Variants in KATNAL1 observed in about 807,000 individuals in gnomAD.
KATNAL1 encodes the protein katanin catalytic subunit A1 like 1.
Under a neutral mutation model 55.2 loss-of-function variants are expected in KATNAL1, and 32 were observed. The ratio of observed to expected loss-of-function variants is 0.58; its 90% CI spans 0.44 to 0.78. KATNAL1 has a LOEUF of 0.78. Among genes scored for constraint, KATNAL1 ranks in the 30% least tolerant of loss-of-function variants. The pLI, the probability that KATNAL1 is intolerant of heterozygous loss-of-function variation, is 0.00. For synonymous variants in KATNAL1, 193 were observed against 193.6 expected (o/e 1.00, Z 0.02); for missense variants, 466 against 600.9 (o/e 0.78, Z 2.35).
At chr13:30,293,822 G>A (rs1395421651) in intron 1 of KATNAL1, among the ~76,000 whole-genome samples, 1 of 152,156 alleles carries the variant, frequency 6.6e-6, no homozygotes, top group Non-Finnish European at 1.5e-5. Flanking sequence ...TGTGCATCCA[G>A]CAAGTCTACC....
intron 3 of KATNAL1, among the ~76,000 whole-genome samples, chr13:30,277,450 C>A (rs1225479064): frequency 6.6e-6 from 1 of 152,194 alleles, no homozygotes; most frequent in Non-Finnish European, 1.5e-5. Context: ...CTCATCAACT[C>A]AAGTCAAACG....
intron 9 of KATNAL1, among the ~76,000 whole-genome samples, chr13:30,221,219 G>T (rs1278252233): frequency 1.3e-5 from 2 of 152,114 alleles, no homozygotes; most frequent in Admixed American, 1.3e-4. Context: ...TGTAGGTGAG[G>T]TTTCCACTTC....
chr13:30,215,669 A>G (rs975040712), intron 9 of KATNAL1, among the ~76,000 whole-genome samples: 4 of 152,084 alleles, frequency 2.6e-5, no homozygotes, highest in Non-Finnish European at 5.9e-5. Context: ...GTAAACTATC[A>G]CAAGAACAAA....
chr13:30,234,929 G>A (rs1876500569), intron 6 of KATNAL1, among the ~76,000 whole-genome samples: 2 of 152,176 alleles, frequency 1.3e-5, no homozygotes, highest in African/African-American at 4.8e-5. Context: ...GTGACTCATG[G>A]TGGCCCCCTA....
At chr13:30,281,133 A>AG (rs1881263132) in intron 2 of KATNAL1, among the ~76,000 whole-genome samples, 1 of 139,248 alleles carries the variant, frequency 7.2e-6, no homozygotes, top group Non-Finnish European at 1.5e-5. Context: ...AAAAAAAAAA[A>AG]AAAAGAAAAG....
intron 3 of KATNAL1, among the ~76,000 whole-genome samples, chr13:30,270,624 G>T (rs1296615145): frequency 1.3e-4 from 19 of 151,782 alleles, no homozygotes; most frequent in Non-Finnish European, 2.2e-4. Context: ...CCAACCCTGT[G>T]CTCTCTGAAA....
At chr13:30,213,294 C>T (rs1873875751) in intron 9 of KATNAL1, among the ~76,000 whole-genome samples, 1 of 152,062 alleles carries the variant, frequency 6.6e-6, no homozygotes, top group Non-Finnish European at 1.5e-5. Context: ...GCTTACCAAC[C>T]AAAAAGAGTC....
intron 6 of KATNAL1, among the ~76,000 whole-genome samples, chr13:30,238,120 T>C (rs2137416093): frequency 6.6e-6 from 1 of 152,292 alleles, no homozygotes; most frequent in Middle Eastern, 3.4e-3. Flanking sequence ...CTATGCTACC[T>C]ACCTGCTCAA....
intron 4 of KATNAL1, among the ~76,000 whole-genome samples, chr13:30,246,068 A>G (rs1037054652): frequency 1.3e-5 from 2 of 152,214 alleles, no homozygotes; most frequent in African/African-American, 4.8e-5. Flanking sequence ...TATGGAACCA[A>G]AAAGAGCCCA....
chr13:30,230,472 C>G lies in KATNAL1; in HGVS notation c.1008G>C (p.Met336Ile). The change falls in exon 8 of 11, where the codon ATG (methionine) becomes ATC (isoleucine). Residue 336 changes from methionine (M) to isoleucine (I), a missense_variant. Met to Ile is a conservative substitution (Grantham distance 10). Coordinates refer to ENST00000380615, the MANE Select transcript of KATNAL1 (RefSeq NM_032116.5). ...RRVKSELLIQMDGVGGALEND... is the reference protein window; with the variant it reads ...RRVKSELLIQIDGVGGALEND... ...CAATAATTAAATATCAATTACCATC[C>G]ATCTGAATGAGCAGTTCAGACTTGA... The G allele has an allele frequency of 1.2e-6, 2 of 1,605,304 alleles. No individual in the cohort carries two copies. The highest frequency in any genetic ancestry group is 1.7e-6 in the Non-Finnish European group (2 of 1,177,212).
intron 3 of KATNAL1, among the ~76,000 whole-genome samples, chr13:30,263,528 T>C (rs374615933): frequency 6.6e-6 from 1 of 151,188 alleles, no homozygotes; most frequent in Non-Finnish European, 1.5e-5. Flanking sequence ...AAAGTCTCAG[T>C]ATACAAAATC....
chr13:30,274,483 C>A (rs1880606380), intron 3 of KATNAL1, among the ~76,000 whole-genome samples: 1 of 152,066 alleles, frequency 6.6e-6, no homozygotes, highest in Admixed American at 6.5e-5. Flanking sequence ...ACACAGTATA[C>A]CATTGCCCTT....
At chr13:30,256,579 C>T (rs1457910113) in intron 3 of KATNAL1, among the ~76,000 whole-genome samples, 1 of 152,096 alleles carries the variant, frequency 6.6e-6, no homozygotes, top group Non-Finnish European at 1.5e-5. Context: ...ATTCACCTAA[C>T]TCATCATGGA....
chr13:30,271,115 C>A (rs909839801), intron 3 of KATNAL1, among the ~76,000 whole-genome samples: 2 of 152,152 alleles, frequency 1.3e-5, no homozygotes, highest in South Asian at 2.1e-4. Context: ...ATGAAAATGG[C>A]AAACACATCC....
At chr13:30,270,111 C>G (rs1346848858) in intron 3 of KATNAL1, among the ~76,000 whole-genome samples, 1 of 120,720 alleles carries the variant, frequency 8.3e-6, no homozygotes. Flanking sequence ...CCGCCCCGTC[C>G]GGGAGGTGAG....
intron 1 of KATNAL1, among the ~76,000 whole-genome samples, chr13:30,294,148 A>G (rs1274460953): frequency 6.6e-6 from 1 of 152,192 alleles, no homozygotes; most frequent in Admixed American, 6.5e-5. Context: ...TAAGTGTTCA[A>G]GTGAAAGGGA....
rs55683675 is a variant in KATNAL1 at position 30,277,982 on chromosome 13, C to CAAA, written c.323+2078_323+2080dup. 1.1e-3 allele frequency among the ~76,000 whole-genome samples: 65 copies of CAAA among 61,306 alleles called. 5 individuals are homozygous for CAAA. Among genetic ancestry groups the CAAA allele is most frequent in the Admixed American group, 1.4e-3 (6 of 4,440 alleles). 40.2% of individuals were successfully genotyped at this position (61,306 alleles called of 152,430 possible). A position where few individuals can be genotyped will look rare whatever the true frequency, so the allele number is the denominator to read the frequency against. ...TGGGGGACAGAGCGAGACTCCGTCT[C>CAAA]AAAAAAAAAAAAAAAAAAAAAAAAA... On this transcript the variant is annotated intron_variant, in intron 3 of 10. Coordinates refer to ENST00000380615, the MANE Select transcript of KATNAL1 (RefSeq NM_032116.5).
At chr13:30,237,065 G>C (rs981947626) in intron 6 of KATNAL1, among the ~76,000 whole-genome samples, 1 of 152,108 alleles carries the variant, frequency 6.6e-6, no homozygotes, top group African/African-American at 2.4e-5. Flanking sequence ...TCAGACACTA[G>C]TCACACTGTC....
In KATNAL1 at chr13:30,280,176, G is replaced by C; in HGVS notation, c.210C>G (p.Val70=). 3.1e-6 allele frequency: 5 copies of C among 1,611,850 alleles called. No homozygotes were observed. Among genetic ancestry groups the C allele is most frequent in the Non-Finnish European group, 4.2e-6 (5 of 1,179,180 alleles). The change falls in exon 3 of 11, where the codon GTC becomes GTG. Residue 70 remains valine, a synonymous_variant. Coordinates refer to ENST00000380615, the MANE Select transcript of KATNAL1 (RefSeq NM_032116.5). ...CAATTTTAAAACTTTCTAAAGTGCTGACAATACTTTTAACTTGTTCATATT... is the reference window on the plus strand; with the variant it reads ...CAATTTTAAAACTTTCTAAAGTGCTCACAATACTTTTAACTTGTTCATATT... ...LEEYEQVKSI[V]STLESFKIDK... is the part of the protein sequence containing the mutation.
Sources: allele counts gnomAD v4.1 joint callset (sites outside exome capture counted in the v4.1 genomes callset), GRCh38; gene constraint gnomAD v4.1.1; transcripts MANE v1.5; gene names NCBI Gene and HGNC (gene_info 2026-07-23, HGNC 2026-07-21).